Variants in ARNT2 observed in about 807,000 individuals in gnomAD.
ARNT2 encodes ARNT protein 2.
ARNT2 carries 36 observed loss-of-function variants against 91.7 expected under a neutral mutation model. The ratio of observed to expected loss-of-function variants is 0.39; its 90% CI spans 0.30 to 0.52. The LOEUF is 0.52. ARNT2 is among the 20% of genes least tolerant of loss of function. The probability of loss-of-function intolerance (pLI) is 0.72; values close to 1 mark genes in which losing one functional copy is unlikely to be tolerated. For missense variants in ARNT2, 775 were observed against 939.3 expected, an observed-to-expected ratio of 0.83 and a Z score of 2.29; for synonymous variants, 365 against 347.1, an observed-to-expected ratio of 1.05 and a Z score of -0.57.
At chr15:80,527,315 C>T (rs996123956) in intron 8 of ARNT2, among the ~76,000 whole-genome samples, 34 of 152,138 alleles carry the variant, frequency 2.2e-4, no homozygotes, top group African/African-American at 7.2e-4. Flanking sequence ...GGGTCATAAC[C>T]GAGACACATG....
chr15:80,565,178 G>A (rs1241656254), intron 12 of ARNT2, among the ~76,000 whole-genome samples: 1 of 152,116 alleles, frequency 6.6e-6, no homozygotes, highest in African/African-American at 2.4e-5. Flanking sequence ...GCCTGCTTTG[G>A]CTTCCCAAAG....
intron 15 of ARNT2, among the ~76,000 whole-genome samples, chr15:80,578,617 C>G (rs1305051504): frequency 6.6e-6 from 1 of 151,610 alleles, no homozygotes. Flanking sequence ...ACGCTGTTGT[C>G]ATAGAAACAA....
At chr15:80,406,280 G>A (rs1595949125) in intron 1 of ARNT2, among the ~76,000 whole-genome samples, 1 of 152,344 alleles carries the variant, frequency 6.6e-6, no homozygotes, top group East Asian at 1.9e-4. Context: ...ACTCTTGGAA[G>A]AACAGACAAG....
intron 5 of ARNT2, among the ~76,000 whole-genome samples, chr15:80,500,475 C>A (rs1461774024): frequency 6.6e-6 from 1 of 152,088 alleles, no homozygotes. Flanking sequence ...TGAAATAATT[C>A]TAATTTATAT....
chr15:80,514,414 AC>A lies in ARNT2; in HGVS notation c.877+11del. ...GGCCTGGCCACCAGCAGGTAAGGAG[AC>A]CTGCATGTAAATTCCACGGGAACTG... On this transcript the variant is annotated intron_variant, in intron 8 of 18. Coordinates refer to ENST00000303329, the MANE Select transcript of ARNT2 (RefSeq NM_014862.4). The A allele has an allele frequency of 6.2e-7, 1 of 1,613,394 alleles. No homozygotes were observed. The highest frequency in any genetic ancestry group is 8.5e-7 in the Non-Finnish European group (1 of 1,179,336).
rs148223640 is a variant in ARNT2, at chr15:80,574,103, C to T, written c.1317-45C>T. 1.0e-4 allele frequency: 157 copies of T among 1,565,982 alleles called. No individual in the cohort carries two copies. In the African/African-American group the frequency reaches 1.9e-3, roughly 19 times the overall value. ...AAGTCCTGGCTTAGCCCTATTGTCA[C>T]CCCTTCTGTTCTTCATGACCCTCTG... On this transcript the variant is annotated intron_variant, in intron 12 of 18. Coordinates refer to ENST00000303329, the MANE Select transcript of ARNT2 (RefSeq NM_014862.4).
chr15:80,526,796 T>C (rs1897647192), intron 8 of ARNT2, among the ~76,000 whole-genome samples: 1 of 152,244 alleles, frequency 6.6e-6, no homozygotes, highest in Non-Finnish European at 1.5e-5. Context: ...GTGCTGTCAC[T>C]TCACCAGACA....
chr15:80,566,640 T>TA (rs1274566757), intron 12 of ARNT2, among the ~76,000 whole-genome samples: 1 of 152,242 alleles, frequency 6.6e-6, no homozygotes, highest in Admixed American at 6.5e-5. Flanking sequence ...GTTAGCACCT[T>TA]ACAGCCTGGC....
In ARNT2 at chr15:80,594,683, G is replaced by T. The variant is rs994673757; in HGVS notation, c.*985G>T. On this transcript the variant is annotated 3_prime_UTR_variant, in exon 19 of 19. Coordinates refer to ENST00000303329, the MANE Select transcript of ARNT2 (RefSeq NM_014862.4). ...TCCCACATAAGCATGTCTCATCCTTGCCCCACTGGTGAGAGGAGGACCTTG... is the reference window on the plus strand; with the variant it reads ...TCCCACATAAGCATGTCTCATCCTTTCCCCACTGGTGAGAGGAGGACCTTG... 1 of 152,458 alleles carries T rather than the reference G, an allele frequency of 6.6e-6. No homozygotes were observed. The highest frequency in any genetic ancestry group is 2.4e-5 in the African/African-American group (1 of 41,444). The allele number at this position is 152,458 out of a possible 1,614,324, so 9.4% of individuals were successfully genotyped here.
intron 6 of ARNT2, among the ~76,000 whole-genome samples, chr15:80,508,523 A>T (rs1897303089): frequency 6.6e-6 from 1 of 152,024 alleles, no homozygotes; most frequent in Non-Finnish European, 1.5e-5. Context: ...CCACTGTATC[A>T]CTCTACTTCC....
In ARNT2 at chr15:80,509,842, A is replaced by G. The variant is rs190994147; in HGVS notation, c.725+1584A>G. On this transcript the variant is annotated intron_variant, in intron 6 of 18. Coordinates refer to ENST00000303329, the MANE Select transcript of ARNT2 (RefSeq NM_014862.4). ...GGAACAGTGAGAAGGTCCTTGTCTC[A>G]GAAGCAGAGTGAATGGGGTACGGTG... Among the ~76,000 whole-genome samples, 916 of 152,298 alleles carry G rather than the reference A, an allele frequency of 6.0e-3. 32 individuals are homozygous for G. The highest frequency in any genetic ancestry group is 1.2e-3 in the Non-Finnish European group (81 of 68,030).
chr15:80,582,437 A>G (rs1898816826), intron 17 of ARNT2, among the ~76,000 whole-genome samples: 2 of 152,066 alleles, frequency 1.3e-5, no homozygotes, highest in Non-Finnish European at 2.9e-5. Flanking sequence ...TTGAGGCTGC[A>G]GTGAGCCATG....
At position 80,593,808 on chromosome 15, in the gene ARNT2, C is replaced by G; in HGVS notation, c.*110C>G. 1.0e-6 allele frequency: 1 copy of G among 996,294 alleles called. No homozygotes were observed. The highest frequency in any genetic ancestry group is 1.5e-6 in the Non-Finnish European group (1 of 665,798). 61.7% of individuals were successfully genotyped at this position (996,294 alleles called of 1,614,324 possible). On this transcript the variant is annotated 3_prime_UTR_variant, in exon 19 of 19. Coordinates refer to ENST00000303329, the MANE Select transcript of ARNT2 (RefSeq NM_014862.4). ...TGCTTGCCCTGCCGCAGGCCCCCCA[C>G]CAGAAGCCATCTCCCCCGCTGTGTG...
At chr15:80,584,114 G>A (rs1327249993) in intron 17 of ARNT2, among the ~76,000 whole-genome samples, 1 of 152,202 alleles carries the variant, frequency 6.6e-6, no homozygotes, top group Non-Finnish European at 1.5e-5. Flanking sequence ...ACGAAGCTGA[G>A]CAGGAGAGCA....
intron 1 of ARNT2, among the ~76,000 whole-genome samples, chr15:80,414,815 G>A (rs1376284778): frequency 6.7e-6 from 1 of 149,730 alleles, no homozygotes; most frequent in Non-Finnish European, 1.5e-5. Flanking sequence ...TTCCAATTCA[G>A]TTCAGCCAGC....
chr15:80,512,963 A>G (rs73496329), intron 6 of ARNT2, among the ~76,000 whole-genome samples: 1,681 of 152,326 alleles, frequency 0.011, 24 homozygotes, highest in African/African-American at 0.039. Context: ...GGGCACAGTC[A>G]GCCAGAAAAG....
chr15:80,484,598 T>A (rs1382599477), intron 5 of ARNT2, among the ~76,000 whole-genome samples: 1 of 152,262 alleles, frequency 6.6e-6, no homozygotes, highest in African/African-American at 2.4e-5. Context: ...CTGAACTGTT[T>A]GTGTTTTTTT....
At chr15:80,450,779 T>G in intron 1 of ARNT2, 101 bp from the exon 2 acceptor site, 1 of 1,152,434 alleles carries the variant, frequency 8.7e-7, no homozygotes, top group Non-Finnish European at 1.3e-6. Flanking sequence ...GTCCCTGGGC[T>G]CTCTGCGCAG....
chr15:80,570,148 A>G (rs1898559887), intron 12 of ARNT2, among the ~76,000 whole-genome samples: 1 of 152,260 alleles, frequency 6.6e-6, no homozygotes, highest in South Asian at 2.1e-4. Context: ...ACAGCCAGAC[A>G]GACTTGGGTT....
Sources: gnomAD v4.1 joint callset for allele counts (sites outside exome capture counted in the v4.1 genomes callset) on GRCh38, gnomAD v4.1.1 for gene constraint, MANE v1.5 for transcripts, NCBI Gene and HGNC (gene_info 2026-07-23, HGNC 2026-07-21) for gene names.